RANGAP1: variants seen among roughly 807,000 people sequenced by gnomAD.
The protein encoded by RANGAP1 is ran GTPase-activating protein 1.
Under a neutral mutation model 63.5 loss-of-function variants are expected in RANGAP1, and 38 were observed. The ratio of observed to expected loss-of-function variants is 0.60; its 90% CI spans 0.46 to 0.78. RANGAP1 has a LOEUF of 0.78. Ranked by LOEUF, RANGAP1 falls within the 30% of genes least tolerant of loss-of-function variation. The pLI, the probability that RANGAP1 is intolerant of heterozygous loss-of-function variation, is 0.00. For synonymous variants in RANGAP1, 329 were observed against 310.5 expected (o/e 1.06, Z -0.63); for missense variants, 630 against 740.3 (o/e 0.85, Z 1.73).
upstream of RANGAP1, among the ~76,000 whole-genome samples, chr22:41,289,009 G>A (rs1241646956): frequency 2.9e-5 from 4 of 139,788 alleles, no homozygotes; most frequent in African/African-American, 5.4e-5. Flanking sequence ...TGCAACCTCC[G>A]CCTCCCAGGT....
At chr22:41,275,505 G>C (rs1297710710) in intron 2 of RANGAP1, among the ~76,000 whole-genome samples, 1 of 151,530 alleles carries the variant, frequency 6.6e-6, no homozygotes, top group Non-Finnish European at 1.5e-5. Flanking sequence ...AAAAAGTCAG[G>C]CATGGTGGCA....
chr22:41,271,796 C>T (rs765133054), intron 3 of RANGAP1, among the ~76,000 whole-genome samples: 4 of 152,204 alleles, frequency 2.6e-5, no homozygotes, highest in Admixed American at 6.5e-5. Context: ...CAAGACCTCA[C>T]TCCTCACTTG....
the RANGAP1 span, among the ~76,000 whole-genome samples, chr22:41,293,689 G>A: frequency 2.8e-5 from 4 of 142,868 alleles, no homozygotes; most frequent in South Asian, 8.6e-4. Flanking sequence ...TGAGGCAGGA[G>A]AATGGCGAGA....
the RANGAP1 span, among the ~76,000 whole-genome samples, chr22:41,301,342 A>G: frequency 2.3e-4 from 35 of 152,292 alleles, no homozygotes; most frequent in African/African-American, 8.2e-4. Context: ...AAAAGGCAGG[A>G]CACTTTTAAA....
At chr22:41,272,069 G>A (rs568383306) in intron 3 of RANGAP1, among the ~76,000 whole-genome samples, 1 of 152,216 alleles carries the variant, frequency 6.6e-6, no homozygotes, top group Non-Finnish European at 1.5e-5. Flanking sequence ...TTTCATATAA[G>A]AGCCCAGCCT....
chr22:41,293,005 G>A, the RANGAP1 span, among the ~76,000 whole-genome samples: 1 of 151,908 alleles, frequency 6.6e-6, no homozygotes, highest in African/African-American at 2.4e-5. Flanking sequence ...GGAGGCCGAG[G>A]CGGGCGGATC....
At chr22:41,255,027 A>G (rs1480666326) in intron 10 of RANGAP1, among the ~76,000 whole-genome samples, 1 of 152,034 alleles carries the variant, frequency 6.6e-6, no homozygotes, top group African/African-American at 2.4e-5. Context: ...CCCTGTCCTC[A>G]AGGAGCCCCA....
rs1052319588 is a variant in RANGAP1 at position 41,251,215 on chromosome 22, G to A, written c.1381-106C>T. On this transcript the variant is annotated intron_variant, in intron 12 of 15. Coordinates refer to ENST00000356244, the MANE Select transcript of RANGAP1 (RefSeq NM_002883.4). ...TGGGCAGTACAAAGGCCCCTGGCGG[G>A]CAAGAACAGGTCCTGCCTTACCCCA... The A allele has an allele frequency of 7.9e-5, 63 of 798,454 alleles. 1 individual carries two copies. The highest frequency in any genetic ancestry group is 1.2e-4 in the Non-Finnish European group (59 of 489,632). 49.5% of individuals were successfully genotyped at this position (798,454 alleles called of 1,614,324 possible). A position where few individuals can be genotyped will look rare whatever the true frequency, so the allele number is the denominator to read the frequency against.
At chr22:41,299,470 C>T in the RANGAP1 span, among the ~76,000 whole-genome samples, 5 of 151,976 alleles carry the variant, frequency 3.3e-5, no homozygotes, top group Admixed American at 1.3e-4. Flanking sequence ...GGTTTCACTA[C>T]GTTAGCCGTG....
rs1194788400 is a variant in RANGAP1, at chr22:41,268,175, A to T, written c.241-19T>A. 5.2e-6 allele frequency: 8 copies of T among 1,535,658 alleles called. No individual in the cohort carries two copies. In the Admixed American group the frequency reaches 5.9e-5, roughly 11 times the overall value. On this transcript the variant is annotated intron_variant, in intron 3 of 15. Transcript: ENST00000356244. ...GGCAGCGCTGCAACGGAAAGAAGAG[A>T]AGAGTTAGCGGGAGAGAGACCCCTG...
chr22:41,255,282 C>G (rs1243286791), intron 10 of RANGAP1, among the ~76,000 whole-genome samples: 1 of 152,186 alleles, frequency 6.6e-6, no homozygotes, highest in African/African-American at 2.4e-5. Context: ...CAGTTCCTAG[C>G]CTCAGCTCAG....
the RANGAP1 span, among the ~76,000 whole-genome samples, chr22:41,299,201 C>T: frequency 2.0e-5 from 3 of 151,880 alleles, no homozygotes; most frequent in South Asian, 4.2e-4. Flanking sequence ...GGCACGATCT[C>T]GGCTCACTGT....
At chr22:41,292,858 C>G in the RANGAP1 span, among the ~76,000 whole-genome samples, 1 of 152,058 alleles carries the variant, frequency 6.6e-6, no homozygotes, top group African/African-American at 2.4e-5. Flanking sequence ...ATTCCCAACA[C>G]CTTGGGAGGC....
rs773088787 is a variant in RANGAP1 at position 41,256,145 on chromosome 22, G to A, written c.989-40C>T. On this transcript the variant is annotated intron_variant, in intron 9 of 15. Transcript: ENST00000356244. ...GGAAGAGCAGTCAGCCGGGGTGCCA[G>A]GGCCAGCCTAGCAGACCTGTGCAGA... 7 of 1,613,806 alleles carry A rather than the reference G, an allele frequency of 4.3e-6. No homozygotes were observed. The African/African-American group carries it at 5.3e-5, about 12-fold the overall frequency.
Position 41,274,689 on chromosome 22 carries a change from A to C in RANGAP1, c.151T>G (p.Leu51Val). 2 of 1,614,144 alleles carry C rather than the reference A, an allele frequency of 1.2e-6. No individual in the cohort carries two copies. Among genetic ancestry groups the C allele is most frequent in the Non-Finnish European group, 1.7e-6 (2 of 1,180,010 alleles). Residue 51 changes from leucine to valine, a missense_variant, in exon 3 of 16, where the codon TTG (leucine) becomes GTG (valine). By Grantham distance (32) the Leu-to-Val change is conservative. Around this residue, in one of 3 missense-constraint regions of RANGAP1, gnomAD observed 65 missense variants for 60.5 expected, o/e 1.07. Coordinates refer to ENST00000356244, the MANE Select transcript of RANGAP1 (RefSeq NM_002883.4). ...TTGCCTTCCAGACGCAGAGCCTCCA[A>C]GCTGTCAAAGTCTTCAATCTCTTTA... ...VIKEIEDFDSLEALRLEGNTV... is the reference protein window; with the variant it reads ...VIKEIEDFDSVEALRLEGNTV...
intron 5 of RANGAP1, 72 bp from the exon 6 acceptor site, chr22:41,261,652 G>C (rs1157058588): frequency 6.3e-7 from 1 of 1,593,492 alleles, no homozygotes; most frequent in African/African-American, 1.3e-5. Flanking sequence ...CACTGCTGCT[G>C]AACTGCTCTT....
In RANGAP1 at chr22:41,281,085, G is replaced by A; in HGVS notation, c.-38-3C>T. On this transcript the variant is annotated splice_region_variant and splice_polypyrimidine_tract_variant and intron_variant, in intron 1 of 15. Transcript: ENST00000356244. ...GGGCTCCCCTGGAGATCTGCAGACTGAGGAGGCCAAAGTTGCAGTAAGAAA... is the reference window on the plus strand; with the variant it reads ...GGGCTCCCCTGGAGATCTGCAGACTAAGGAGGCCAAAGTTGCAGTAAGAAA... 6.5e-7 allele frequency: 1 copy of A among 1,537,852 alleles called. No individual in the cohort carries two copies. The highest frequency in any genetic ancestry group is 8.7e-7 in the Non-Finnish European group (1 of 1,150,566).
intron 1 of RANGAP1, 160 bp from the exon 2 acceptor site, chr22:41,281,242 G>A: frequency 1.1e-6 from 1 of 941,388 alleles, no homozygotes; most frequent in Non-Finnish European, 1.5e-6. Flanking sequence ...CATCAGAGAA[G>A]GAACAGTTCT....
At chr22:41,267,025 C>A (rs1294856265) in intron 4 of RANGAP1, among the ~76,000 whole-genome samples, 1 of 152,048 alleles carries the variant, frequency 6.6e-6, no homozygotes, top group South Asian at 2.1e-4. Context: ...GGACTACAGG[C>A]AGGTGCCACC....
Sources: allele counts gnomAD v4.1 joint callset (sites outside exome capture counted in the v4.1 genomes callset), GRCh38; gene constraint gnomAD v4.1.1; regional missense constraint gnomAD v4.1.1; transcripts MANE v1.5; gene names NCBI Gene and HGNC (gene_info 2026-07-23, HGNC 2026-07-21).